The following PSMA1 variants were observed in gnomAD, a reference collection of about 807,000 sequenced individuals.
PSMA1 encodes the protein proteasome subunit alpha type-1.
In PSMA1, 3 loss-of-function variants were observed where a neutral mutation model predicts 38.4. The observed-to-expected ratio is 0.08, with a 90% CI of 0.04 to 0.20. The LOEUF (loss-of-function observed/expected upper bound fraction) is 0.20. Ranked by LOEUF, PSMA1 falls within the 10% of genes least tolerant of loss-of-function variation. The pLI is 1.00. For missense variants in PSMA1, 227 were observed against 325.3 expected (o/e 0.70, Z 2.32); for synonymous variants, 101 against 107.1 (o/e 0.94, Z 0.35).
intron 8 of PSMA1, among the ~76,000 whole-genome samples, chr11:14,508,561 C>CAAAAA (rs60499933): frequency 2.1e-4 from 10 of 47,120 alleles, no homozygotes; most frequent in African/African-American, 5.9e-4. Context: ...CACTCCATCT[C>CAAAAA]AAAAAAAAAA....
chr11:14,517,468 A>G (rs934437111), intron 4 of PSMA1, among the ~76,000 whole-genome samples, 174 bp downstream of exon 4: 5 of 152,244 alleles, frequency 3.3e-5, no homozygotes, highest in African/African-American at 1.2e-4. Context: ...TTACTCCTAC[A>G]GGGATCAAAA....
chr11:14,594,088 G>A (rs1027024591), intron 2 of PSMA1, among the ~76,000 whole-genome samples: 12 of 152,228 alleles, frequency 7.9e-5, no homozygotes, highest in Admixed American at 2.0e-4. Context: ...TGTTAATAAT[G>A]AGAATGGCAG....
At chr11:14,507,484 A>C (rs180675626) in intron 9 of PSMA1, 172 bp downstream of exon 9, 175 of 569,812 alleles carry the variant, frequency 3.1e-4, no homozygotes, top group African/African-American at 3.0e-3. Context: ...GTGTTTATGG[A>C]GATCACTGCC....
At chr11:14,521,885 C>A (rs952852204), upstream of PSMA1, among the ~76,000 whole-genome samples, 1 of 151,794 alleles carries the variant, frequency 6.6e-6, no homozygotes, top group Non-Finnish European at 1.5e-5. Context: ...TGGTTATTGT[C>A]GTATTTCTGA....
intron 2 of PSMA1, among the ~76,000 whole-genome samples, chr11:14,601,535 C>CA (rs1852580132): frequency 6.6e-6 from 1 of 152,166 alleles, no homozygotes; most frequent in South Asian, 2.1e-4. Flanking sequence ...CTCTCCGACT[C>CA]AGTCTCTTGA....
chr11:14,611,988 A>G (rs890655021), intron 1 of PSMA1, among the ~76,000 whole-genome samples: 1 of 152,234 alleles, frequency 6.6e-6, no homozygotes, highest in Non-Finnish European at 1.5e-5. Context: ...GACTTGCCAC[A>G]TCTGGAGGAA....
intron 2 of PSMA1, among the ~76,000 whole-genome samples, chr11:14,595,985 T>A: frequency 6.6e-6 from 1 of 152,206 alleles, no homozygotes; most frequent in East Asian, 1.9e-4. Flanking sequence ...CCCAGCACCA[T>A]TTATGAAATA....
At chr11:14,572,110 C>A (rs1458767446) in intron 2 of PSMA1, among the ~76,000 whole-genome samples, 2 of 152,134 alleles carry the variant, frequency 1.3e-5, no homozygotes, top group Non-Finnish European at 2.9e-5. Flanking sequence ...ATCAACGAAA[C>A]AGAAAGTTAA....
At chr11:14,524,190 C>T (rs1851562448), upstream of PSMA1, among the ~76,000 whole-genome samples, 1 of 149,730 alleles carries the variant, frequency 6.7e-6, no homozygotes, top group Non-Finnish European at 1.5e-5. Context: ...GAAAATTAGC[C>T]AGGTGTAGTT....
chr11:14,532,379 C>T (rs905908625), intron 2 of PSMA1, among the ~76,000 whole-genome samples: 1 of 151,934 alleles, frequency 6.6e-6, no homozygotes, highest in Non-Finnish European at 1.5e-5. Flanking sequence ...CCAAGGCGGG[C>T]AGATCTCCTG....
Position 14,513,659 on chromosome 11 carries a change from T to C in PSMA1, c.455A>G (p.Asn152Ser). The C allele has an allele frequency of 6.3e-7, 1 of 1,595,872 alleles. No individual in the cohort carries two copies. Among genetic ancestry groups the C allele is most frequent in the Non-Finnish European group, 8.5e-7 (1 of 1,173,910 alleles). The change falls in exon 7 of 10, where the codon AAC becomes AGC. Residue 152 changes from asparagine to serine, a missense_variant. By Grantham distance (46) the Asn-to-Ser change is conservative (BLOSUM62 1). Transcript: ENST00000396394. Reference sequence around the variant, plus strand: ...GGACATGGCTCTGCAGTCAAAATAGTTAGCAGATGGACAGGTTTGGAAAAT... The same window carrying C: ...GGACATGGCTCTGCAGTCAAAATAGCTAGCAGATGGACAGGTTTGGAAAAT... ...PHIFQTCPSANYFDCRAMSIG... is the reference protein window; with the variant it reads ...PHIFQTCPSASYFDCRAMSIG...
chr11:14,552,820 C>CTT lies in PSMA1; in HGVS notation c.22-33781_22-33780dup, dbSNP rs34932699. On this transcript the variant is annotated intron_variant, in intron 2 of 10. Coordinates refer to the PSMA1 transcript ENST00000418988. ...AAGTTTTATTATAGAGCTTATATAA[C>CTT]TTTTTTTTTTTTTTTTTTTTTGAGA... Among the ~76,000 whole-genome samples, 715 of 121,996 alleles carry CTT rather than the reference C, an allele frequency of 5.9e-3. 10 individuals carry two copies. Among genetic ancestry groups the CTT allele is most frequent in the Middle Eastern group, 0.018 (4 of 222 alleles). The allele number at this position is 121,996 out of a possible 152,430, so 80.0% of individuals were successfully genotyped here. A position where few individuals can be genotyped will look rare whatever the true frequency, so the allele number is the denominator to read the frequency against.
chr11:14,559,721 T>C (rs1384057116), intron 2 of PSMA1, among the ~76,000 whole-genome samples: 1 of 152,234 alleles, frequency 6.6e-6, no homozygotes, highest in Non-Finnish European at 1.5e-5. Flanking sequence ...TTAATATCTT[T>C]ATACAGTCAA....
At chr11:14,605,429 G>C (rs1852631641) in intron 2 of PSMA1, among the ~76,000 whole-genome samples, 1 of 152,066 alleles carries the variant, frequency 6.6e-6, no homozygotes, top group Admixed American at 6.6e-5. Flanking sequence ...TGTCACCCAG[G>C]TTGGAATACA....
chr11:14,640,808 G>T (rs1203225368), intron 1 of PSMA1, among the ~76,000 whole-genome samples: 1 of 152,154 alleles, frequency 6.6e-6, no homozygotes, highest in South Asian at 2.1e-4. Context: ...CTTCAGGGAT[G>T]ACTCTAGTTT....
chr11:14,601,732 A>C (rs1852582605), intron 2 of PSMA1, among the ~76,000 whole-genome samples: 1 of 152,190 alleles, frequency 6.6e-6, no homozygotes, highest in African/African-American at 2.4e-5. Context: ...AACTCCATGA[A>C]CTTGCTCAGG....
At chr11:14,595,252 A>G (rs1200618608) in intron 2 of PSMA1, among the ~76,000 whole-genome samples, 3 of 152,206 alleles carry the variant, frequency 2.0e-5, no homozygotes, top group Non-Finnish European at 4.4e-5. Context: ...ATTATTTACA[A>G]TCCTTGAGGT....
chr11:14,559,383 G>A (rs576338120), intron 2 of PSMA1, among the ~76,000 whole-genome samples: 147 of 152,302 alleles, frequency 9.7e-4, no homozygotes, highest in African/African-American at 3.5e-3. Context: ...GCTAGCCAGA[G>A]GAATTTTAGT....
intron 2 of PSMA1, among the ~76,000 whole-genome samples, chr11:14,536,858 G>T (rs969555058): frequency 6.6e-5 from 10 of 152,020 alleles, no homozygotes; most frequent in Non-Finnish European, 1.3e-4. Context: ...CTCGTGATCC[G>T]CCCGCCTCGG....
Sources: allele counts gnomAD v4.1 joint callset (sites outside exome capture counted in the v4.1 genomes callset), GRCh38; gene constraint gnomAD v4.1.1; transcripts MANE v1.5; gene names NCBI Gene and HGNC (gene_info 2026-07-23, HGNC 2026-07-21).